SLC16A4: variants seen among roughly 807,000 people sequenced by gnomAD.
SLC16A4 encodes the protein solute carrier family 16 member 4.
Under a neutral mutation model 47.9 loss-of-function variants are expected in SLC16A4, and 39 were observed. The ratio of observed to expected loss-of-function variants is 0.81; its 90% CI spans 0.63 to 1.06. The LOEUF is 1.06. Ranked by LOEUF, SLC16A4 falls within the 50% of genes least tolerant of loss-of-function variation. The pLI, the probability that SLC16A4 is intolerant of heterozygous loss-of-function variation, is 0.00. For synonymous variants in SLC16A4, 189 were observed against 199.9 expected, an observed-to-expected ratio of 0.95 and a Z score of 0.46; for missense variants, 524 against 573.8, an observed-to-expected ratio of 0.91 and a Z score of 0.89.
At chr1:110,372,828 T>C (rs1661754587) in intron 8 of SLC16A4, 1 of 152,232 alleles carries the variant, frequency 6.6e-6, no homozygotes, top group Non-Finnish European at 1.5e-5. Flanking sequence ...AAATATATTA[T>C]GAGTTTTTTA....
chr1:110,380,015 C>G (rs1031119778), intron 5 of SLC16A4: 1 of 141,826 alleles, frequency 7.1e-6, no homozygotes, highest in Non-Finnish European at 1.5e-5. Context: ...CGGTATCATG[C>G]CACAGCACTC....
chr1:110,373,535 A>C (rs1278581111), intron 8 of SLC16A4, among the ~76,000 whole-genome samples: 1 of 152,180 alleles, frequency 6.6e-6, no homozygotes, highest in African/African-American at 2.4e-5. Context: ...AACGTAGGCT[A>C]AGTGTTAGAT....
intron 2 of SLC16A4, among the ~76,000 whole-genome samples, chr1:110,385,772 G>T (rs1226994321): frequency 1.3e-5 from 2 of 152,152 alleles, no homozygotes; most frequent in African/African-American, 4.8e-5. Flanking sequence ...AACTTATTTA[G>T]AATGAAGAGT....
intron 8 of SLC16A4, among the ~76,000 whole-genome samples, chr1:110,373,833 C>T (rs1661819024): frequency 6.6e-6 from 1 of 151,048 alleles, no homozygotes; most frequent in East Asian, 2.0e-4. Context: ...CACCATCACA[C>T]CTGGCTGATT....
chr1:110,373,077 TCA>T (rs1310195400), intron 8 of SLC16A4: 7 of 152,196 alleles, frequency 4.6e-5, no homozygotes, highest in African/African-American at 1.7e-4. Flanking sequence ...ATTTCAGAAC[TCA>T]CATATATACC....
intron 2 of SLC16A4, among the ~76,000 whole-genome samples, chr1:110,386,687 C>T (rs1389542911): frequency 6.6e-6 from 1 of 152,206 alleles, no homozygotes; most frequent in African/African-American, 2.4e-5. Flanking sequence ...AGGCACCAGG[C>T]TTTGTCAGAG....
chr1:110,386,196 T>C (rs1343956306), intron 2 of SLC16A4, among the ~76,000 whole-genome samples: 1 of 152,210 alleles, frequency 6.6e-6, no homozygotes, highest in Non-Finnish European at 1.5e-5. Flanking sequence ...TTGTCTCTAA[T>C]AACTGAGTCC....
intron 8 of SLC16A4, among the ~76,000 whole-genome samples, chr1:110,367,118 G>A (rs1289531783): frequency 1.3e-5 from 2 of 152,216 alleles, no homozygotes; most frequent in Admixed American, 1.3e-4. Context: ...GTGGCTACTA[G>A]GTTAGTTAAG....
At chr1:110,380,351 G>T (rs779390822) in intron 5 of SLC16A4, among the ~76,000 whole-genome samples, 49 of 152,122 alleles carry the variant, frequency 3.2e-4, no homozygotes, top group Non-Finnish European at 6.0e-4. Context: ...ATAGCAATAG[G>T]CATATGAATA....
chr1:110,379,040 C>T lies in SLC16A4; in HGVS notation c.843G>A (p.Lys281=), dbSNP rs754665437. The T allele has an allele frequency of 1.2e-6, 2 of 1,614,190 alleles. No homozygotes were observed. Among genetic ancestry groups the T allele is most frequent in the South Asian group, 1.1e-5 (1 of 91,084 alleles). The change falls in exon 6 of 9, where the codon AAG becomes AAA. Residue 281 remains lysine (K), a synonymous_variant. Transcript: ENST00000369779. ...LLLKSDEESD[K]VISWSCKQLF... ...GTTGTTTGCAGCTCCACGAAATAAC[C>T]TTATCACTTTCTTCATCACTCTTTA...
intron 2 of SLC16A4, among the ~76,000 whole-genome samples, chr1:110,384,707 A>T (rs888406951): frequency 6.6e-6 from 1 of 152,180 alleles, no homozygotes; most frequent in Non-Finnish European, 1.5e-5. Flanking sequence ...CTGGCCATGC[A>T]TTGCTTATGA....
intron 3 of SLC16A4, 87 bp from the exon 4 acceptor site, chr1:110,381,882 G>GA (rs1454243814): frequency 1.6e-6 from 2 of 1,226,986 alleles, no homozygotes; most frequent in East Asian, 4.8e-5. Context: ...GAATGACAAG[G>GA]AAAGCAAGAG....
At chr1:110,380,809 T>A (rs542748444) in intron 5 of SLC16A4, among the ~76,000 whole-genome samples, 173 bp downstream of exon 5, 27 of 152,368 alleles carry the variant, frequency 1.8e-4, no homozygotes, top group African/African-American at 6.0e-4. Context: ...CTTTTGCGTA[T>A]GTATTCTCCA....
At chr1:110,377,801 T>C (rs921491453) in intron 6 of SLC16A4, among the ~76,000 whole-genome samples, 4 of 152,082 alleles carry the variant, frequency 2.6e-5, no homozygotes, top group African/African-American at 9.7e-5. Flanking sequence ...TCAACTAAAA[T>C]AGTTGTTTTT....
At chr1:110,366,829 T>C (rs980092648) in intron 8 of SLC16A4, among the ~76,000 whole-genome samples, 8 of 152,356 alleles carry the variant, frequency 5.3e-5, no homozygotes, top group African/African-American at 1.9e-4. Flanking sequence ...ATTATTTCTA[T>C]GTATTTCCAT....
intron 8 of SLC16A4, among the ~76,000 whole-genome samples, chr1:110,373,676 A>AT (rs1237142099): frequency 0.012 from 1,630 of 134,808 alleles, 32 homozygotes; most frequent in African/African-American, 0.029. Context: ...CCCAGTAATA[A>AT]TTTTTTTTTT....
rs770589704 is a variant in SLC16A4, at chr1:110,389,262, C to T, written c.62G>A (p.Trp21Ter). The T allele has an allele frequency of 1.2e-6, 2 of 1,613,870 alleles. No homozygotes were observed. Among genetic ancestry groups the T allele is most frequent in the Admixed American group, 3.3e-5 (2 of 60,028 alleles). Residue 21 changes from tryptophan to a stop codon, truncating the protein, a stop_gained, in exon 2 of 9, where the codon TGG (tryptophan) becomes TAG (stop). Transcript: ENST00000369779. LOFTEE classifies it high-confidence loss of function. ...CAGGAAAAAATGAATCACAATCATC[C>T]ATCCCCATCCTCCATCCAGGGTTTT... ...YTKTLDGGWG[W>*]MIVIHFFLVN...
intron 2 of SLC16A4, among the ~76,000 whole-genome samples, chr1:110,383,505 G>A (rs919851203): frequency 6.6e-6 from 1 of 152,068 alleles, no homozygotes. Flanking sequence ...GTCACTTCTG[G>A]GTGGAAGGGT....
chr1:110,381,529 G>T, intron 4 of SLC16A4, 123 bp downstream of exon 4: 1 of 901,366 alleles, frequency 1.1e-6, no homozygotes, highest in Non-Finnish European at 1.7e-6. Context: ...TCACCATGTT[G>T]CCCAGGCTGG....
Sources: allele counts gnomAD v4.1 joint callset (sites outside exome capture counted in the v4.1 genomes callset), GRCh38; gene constraint gnomAD v4.1.1; transcripts MANE v1.5; gene names NCBI Gene and HGNC (gene_info 2026-07-23, HGNC 2026-07-21).